SRGAP2: variants seen among roughly 807,000 people sequenced by gnomAD.
SRGAP2 encodes SLIT-ROBO Rho GTPase-activating protein 2.
A neutral mutation model predicts 57.2 loss-of-function variants in SRGAP2; 15 were observed. The observed-to-expected ratio is 0.26, with a 90% CI of 0.18 to 0.40. The LOEUF (loss-of-function observed/expected upper bound fraction) is 0.40, where lower values mean the gene tolerates loss of function less well. Among genes scored for constraint, SRGAP2 ranks in the 10% least tolerant of loss-of-function variants. The probability of loss-of-function intolerance (pLI) is 1.00; values close to 1 mark genes in which losing one functional copy is unlikely to be tolerated. For synonymous variants in SRGAP2, 249 were observed against 248.0 expected (o/e 1.00, Z -0.04); for missense variants, 520 against 669.6 (o/e 0.78, Z 2.47).
intron 2 of SRGAP2, among the ~76,000 whole-genome samples, chr1:206,286,730 G>A (rs1671046329): frequency 6.6e-6 from 1 of 151,732 alleles, no homozygotes; most frequent in South Asian, 2.1e-4. Flanking sequence ...AATGAAGTGA[G>A]AGAGCTAACC....
At chr1:206,367,446 CCT>C (rs1180331344) in intron 4 of SRGAP2, among the ~76,000 whole-genome samples, 1 of 148,858 alleles carries the variant, frequency 6.7e-6, no homozygotes, top group African/African-American at 2.5e-5. Flanking sequence ...AATTTTTTGA[CCT>C]CTCTAAGCTT....
chr1:206,358,943 A>G (rs1336028801), intron 4 of SRGAP2, among the ~76,000 whole-genome samples: 2 of 151,470 alleles, frequency 1.3e-5, no homozygotes, highest in African/African-American at 4.9e-5. Context: ...ATAGCAATGT[A>G]ATGAGTCGTA....
intron 19 of SRGAP2, among the ~76,000 whole-genome samples, chr1:206,451,201 G>A (rs1663266820): frequency 6.6e-6 from 1 of 151,780 alleles, no homozygotes; most frequent in Admixed American, 6.6e-5. Context: ...GCAAGCCAGA[G>A]GGAGTGGGAA....
intron 3 of SRGAP2, among the ~76,000 whole-genome samples, chr1:206,314,678 A>G (rs1342154427): frequency 1.3e-5 from 2 of 152,208 alleles, no homozygotes; most frequent in Non-Finnish European, 2.9e-5. Flanking sequence ...GATTTCCAAT[A>G]GTAAGGGTTT....
chr1:206,449,286 A>ATTTTTTTGTTTTTTTTTTTT (rs1489255492), intron 18 of SRGAP2, among the ~76,000 whole-genome samples: 4 of 110,676 alleles, frequency 3.6e-5, no homozygotes, highest in African/African-American at 7.4e-5. Context: ...ACACTGGATG[A>ATTTTTTTGTTTTTTTTTTTT]TTTTTTTTTT....
intron 2 of SRGAP2, among the ~76,000 whole-genome samples, chr1:206,229,931 TACACACACACACACACACAC>T (rs66901207): frequency 2.1e-5 from 3 of 141,662 alleles, no homozygotes; most frequent in Non-Finnish European, 4.6e-5. Context: ...TACACATACA[TACACACACACACACACACAC>T]ACACACACAC....
chr1:206,256,424 C>A (rs1429922954), intron 2 of SRGAP2, among the ~76,000 whole-genome samples: 1 of 150,468 alleles, frequency 6.6e-6, no homozygotes, highest in East Asian at 2.0e-4. Flanking sequence ...AATGGAAATT[C>A]TTCTAGAAGT....
chr1:206,391,068 G>T (rs1656896937), intron 5 of SRGAP2, among the ~76,000 whole-genome samples: 1 of 151,910 alleles, frequency 6.6e-6, no homozygotes, highest in South Asian at 2.1e-4. Flanking sequence ...TAGTTGTTGT[G>T]GGGGCTGTCC....
At chr1:206,426,817 G>GT (rs1558420700) in intron 13 of SRGAP2, among the ~76,000 whole-genome samples, 4 of 152,004 alleles carry the variant, frequency 2.6e-5, no homozygotes, top group Non-Finnish European at 4.4e-5. Flanking sequence ...AGATAGTTTG[G>GT]TTTTTTGCTA....
At chr1:206,366,240 T>A (rs1553341593) in intron 4 of SRGAP2, among the ~76,000 whole-genome samples, 1 of 152,190 alleles carries the variant, frequency 6.6e-6, no homozygotes, top group African/African-American at 2.4e-5. Context: ...CATCTCAACT[T>A]GCTGGTTTCA....
At chr1:206,239,470 T>G (rs142253480) in intron 2 of SRGAP2, among the ~76,000 whole-genome samples, 1 of 152,180 alleles carries the variant, frequency 6.6e-6, no homozygotes, top group Non-Finnish European at 1.5e-5. Context: ...TTTTTCTTTC[T>G]TTTTTGAGAC....
At chr1:206,254,318 A>C (rs1327096759) in intron 2 of SRGAP2, among the ~76,000 whole-genome samples, 2 of 146,524 alleles carry the variant, frequency 1.4e-5, no homozygotes, top group Non-Finnish European at 3.0e-5. Context: ...CAATCTCCCT[A>C]AACATTTACG....
chr1:206,308,588 A>ACACTTAG (rs1183509253), intron 3 of SRGAP2, among the ~76,000 whole-genome samples: 2 of 86,590 alleles, frequency 2.3e-5, no homozygotes, highest in Non-Finnish European at 2.2e-5. Context: ...ACAAACTGCT[A>ACACTTAG]CACTTAGCAC....
intron 21 of SRGAP2, chr1:206,455,290 C>A (rs1197606203): frequency 1.8e-5 from 9 of 499,292 alleles, no homozygotes; most frequent in Non-Finnish European, 3.2e-5. Context: ...TGTCTGTCCA[C>A]CCAGACCTTT....
At position 206,446,190 on chromosome 1, in the gene SRGAP2, G is replaced by A. The variant is rs375969327; in HGVS notation, c.1990G>A (p.Val664Met). The A allele has an allele frequency of 2.6e-6, 2 of 780,812 alleles. No homozygotes were observed. Among genetic ancestry groups the A allele is most frequent in the Non-Finnish European group, 4.8e-6 (2 of 418,010 alleles). 48.4% of individuals were successfully genotyped at this position (780,812 alleles called of 1,614,324 possible). ...GHDQVSCQAHVNELIKTIIIQ... is the reference protein window; with the variant it reads ...GHDQVSCQAHMNELIKTIIIQ... ...CGACCAGGTGTCCTGCCAAGCCCACGTGAATGAGCTGATCAAAACCATCAT... is the reference window on the plus strand; with the variant it reads ...CGACCAGGTGTCCTGCCAAGCCCACATGAATGAGCTGATCAAAACCATCAT... Residue 664 changes from valine to methionine, a missense_variant, in exon 18 of 23, where the codon GTG (valine) becomes ATG (methionine). Around this residue, in one of 5 missense-constraint regions of SRGAP2, gnomAD observed 478 missense variants for 373.6 expected, o/e 1.28. Transcript: ENST00000573034.
intron 2 of SRGAP2, among the ~76,000 whole-genome samples, chr1:206,249,594 G>C (rs1216622022): frequency 2.9e-3 from 435 of 148,120 alleles, no homozygotes; most frequent in Non-Finnish European, 4.4e-3. Flanking sequence ...GGCCTGTCGG[G>C]GGGTGAGAGG....
intron 13 of SRGAP2, among the ~76,000 whole-genome samples, chr1:206,422,553 T>C (rs1462771602): frequency 6.6e-6 from 1 of 152,214 alleles, no homozygotes; most frequent in African/African-American, 2.4e-5. Flanking sequence ...GAGCAAGCCA[T>C]TTTCCCTTTA....
At position 206,458,858 on chromosome 1, in the gene SRGAP2, G is replaced by A. The variant is rs1553379509; in HGVS notation, c.2743G>A (p.Asp915Asn). Residue 915 changes from aspartate (D) to asparagine (N), a missense_variant, in exon 22 of 23, where the codon GAT becomes AAT. Transcript: ENST00000573034. ...SRHSSLKNRL[D>N]SPQIRKTATA... ...CCACTCATCCCTGAAGAATCGGCTGGATAGTCCACAGATCCGGAAGACTGC... is the reference window on the plus strand; with the variant it reads ...CCACTCATCCCTGAAGAATCGGCTGAATAGTCCACAGATCCGGAAGACTGC... The A allele has an allele frequency of 2.6e-6, 2 of 780,620 alleles. No individual in the cohort carries two copies. The highest frequency in any genetic ancestry group is 4.8e-6 in the Non-Finnish European group (2 of 417,884). The allele number at this position is 780,620 out of a possible 1,614,324, so 48.4% of individuals were successfully genotyped here. A position where few individuals can be genotyped will look rare whatever the true frequency, so the allele number is the denominator to read the frequency against.
chr1:206,298,841 G>T (rs1372818375), intron 2 of SRGAP2, among the ~76,000 whole-genome samples: 3 of 151,844 alleles, frequency 2.0e-5, no homozygotes, highest in African/African-American at 7.3e-5. Context: ...TTAAATCTTA[G>T]ATCTTCAGGT....
Sources: allele counts gnomAD v4.1 joint callset (sites outside exome capture counted in the v4.1 genomes callset), GRCh38; gene constraint gnomAD v4.1.1; regional missense constraint gnomAD v4.1.1; transcripts MANE v1.5; gene names NCBI Gene and HGNC (gene_info 2026-07-23, HGNC 2026-07-21).